The following LEMD1 variants were observed in gnomAD, a reference collection of about 807,000 sequenced individuals.
LEMD1 encodes the protein LEM domain-containing protein 1.
LEMD1 carries 18 observed loss-of-function variants against 17.4 expected under a neutral mutation model. That is an observed-to-expected ratio of 1.04 (90% CI 0.72 to 1.54). The LOEUF (loss-of-function observed/expected upper bound fraction) is 1.54. LEMD1 is among the 40% of genes most tolerant of loss of function. The pLI, the probability that LEMD1 is intolerant of heterozygous loss-of-function variation, is 0.00. For missense variants in LEMD1, 195 were observed against 210.4 expected, an observed-to-expected ratio of 0.93 and a Z score of 0.45; for synonymous variants, 88 against 77.8, an observed-to-expected ratio of 1.13 and a Z score of -0.69.
chr1:205,436,699 G>A (rs564635287), intron 1 of LEMD1: 3 of 152,280 alleles, frequency 2.0e-5, no homozygotes, highest in Admixed American at 2.0e-4. Flanking sequence ...GGTTCTTGTG[G>A]TACTGTCAGC....
upstream of LEMD1, among the ~76,000 whole-genome samples, chr1:205,425,695 T>C (rs1666045969): frequency 6.6e-6 from 1 of 151,984 alleles, no homozygotes. Context: ...GCAGTGAAGG[T>C]TCTGGCAGAA....
chr1:205,403,194 A>G (rs891115702), intron 4 of LEMD1, among the ~76,000 whole-genome samples: 8 of 152,338 alleles, frequency 5.3e-5, no homozygotes, highest in African/African-American at 1.9e-4. Flanking sequence ...CGGCTTTGGT[A>G]TCAGGATGGT....
At chr1:205,402,068 G>GT (rs1287074316) in intron 4 of LEMD1, among the ~76,000 whole-genome samples, 1 of 152,124 alleles carries the variant, frequency 6.6e-6, no homozygotes, top group Non-Finnish European at 1.5e-5. Context: ...CTATATCTCT[G>GT]TTTTGGTACC....
At chr1:205,434,684 T>C (rs1558741434) in intron 1 of LEMD1, among the ~76,000 whole-genome samples, 1 of 151,954 alleles carries the variant, frequency 6.6e-6, no homozygotes, top group South Asian at 2.1e-4. Flanking sequence ...ACCTGGGGTG[T>C]CTCCCAAAGC....
chr1:205,381,610 C>T lies in LEMD1; in HGVS notation c.*48G>A. The T allele has an allele frequency of 6.3e-7, 1 of 1,592,434 alleles. No individual in the cohort carries two copies. The highest frequency in any genetic ancestry group is 8.6e-7 in the Non-Finnish European group (1 of 1,160,510). On this transcript the variant is annotated 3_prime_UTR_variant, in exon 6 of 6. Coordinates refer to ENST00000367153, the MANE Select transcript of LEMD1 (RefSeq NM_001199050.2). Reference sequence around the variant, plus strand: ...CTTCAGGGTAGTGTTTTGGTTCTTTCCTGAAGCAGGAGGCCTCGCTTGGAG... The same window carrying T: ...CTTCAGGGTAGTGTTTTGGTTCTTTTCTGAAGCAGGAGGCCTCGCTTGGAG...
intron 1 of LEMD1, among the ~76,000 whole-genome samples, chr1:205,432,423 A>G (rs1029374795): frequency 4.6e-5 from 7 of 152,214 alleles, no homozygotes; most frequent in Non-Finnish European, 1.0e-4. Context: ...AATCTGAGGT[A>G]ATCACTGATG....
chr1:205,397,308 C>A (rs751671976), intron 4 of LEMD1, among the ~76,000 whole-genome samples: 1 of 152,198 alleles, frequency 6.6e-6, no homozygotes, highest in Non-Finnish European at 1.5e-5. Context: ...CACTAGATTT[C>A]TATTTCCAAT....
At chr1:205,442,897 T>C (rs1333739153) in intron 1 of LEMD1, among the ~76,000 whole-genome samples, 1 of 152,202 alleles carries the variant, frequency 6.6e-6, no homozygotes, top group East Asian at 1.9e-4. Flanking sequence ...TATTCCTGGC[T>C]CTGATGCTAA....
intron 4 of LEMD1, among the ~76,000 whole-genome samples, chr1:205,413,176 G>C (rs2102418849): frequency 6.6e-6 from 1 of 152,258 alleles, no homozygotes; most frequent in Middle Eastern, 3.4e-3. Context: ...TAACCTTTTT[G>C]CCATTGGAGC....
At chr1:205,396,804 T>C (rs932921957) in intron 4 of LEMD1, among the ~76,000 whole-genome samples, 10 of 152,164 alleles carry the variant, frequency 6.6e-5, no homozygotes, top group African/African-American at 2.4e-4. Context: ...AGGTTAGTGG[T>C]TGCCATGGGG....
chr1:205,443,905 G>GA (rs1666338864), intron 1 of LEMD1, among the ~76,000 whole-genome samples: 1 of 152,150 alleles, frequency 6.6e-6, no homozygotes, highest in Non-Finnish European at 1.5e-5. Flanking sequence ...GAGTCCCTCT[G>GA]CCAGGCTGTG....
At chr1:205,440,803 G>A (rs957940163) in intron 1 of LEMD1, 3 of 152,438 alleles carry the variant, frequency 2.0e-5, no homozygotes, top group Non-Finnish European at 2.9e-5. Flanking sequence ...AGGCTGAGAA[G>A]AGCACTGGCT....
chr1:205,423,096 T>A (rs1312062478), upstream of LEMD1, among the ~76,000 whole-genome samples: 1 of 152,214 alleles, frequency 6.6e-6, no homozygotes, highest in Non-Finnish European at 1.5e-5. Context: ...GGAGGCTTCA[T>A]CTCATTTACA....
rs537554595 is a variant in LEMD1 at position 205,429,789 on chromosome 1, G to A, written c.-38-9215C>T. Among the ~76,000 whole-genome samples the A allele has an allele frequency of 2.3e-3, 353 of 152,030 alleles. 1 individual carries two copies. The highest frequency in any genetic ancestry group is 4.3e-3 in the Non-Finnish European group (293 of 67,994). ...TCGGCTATTTTGATGTTGGGGGGTGGGGGGAGCAGGGACAGGCATTTGGGG... is the reference window on the plus strand; with the variant it reads ...TCGGCTATTTTGATGTTGGGGGGTGAGGGGAGCAGGGACAGGCATTTGGGG... On this transcript the variant is annotated intron_variant, in intron 1 of 3. Transcript: ENST00000367154.
intron 1 of LEMD1, among the ~76,000 whole-genome samples, chr1:205,443,651 T>A (rs1188662779): frequency 6.6e-6 from 1 of 152,164 alleles, no homozygotes; most frequent in Non-Finnish European, 1.5e-5. Flanking sequence ...TCTGCTCAGA[T>A]CTTTGCTCTA....
At position 205,441,176 on chromosome 1, in the gene LEMD1, C is replaced by T. The variant is rs1410880671; in HGVS notation, c.-39+8692G>A. On this transcript the variant is annotated intron_variant, in intron 1 of 3. Transcript: ENST00000367154. This position sits in a 1 kb window ranked among gnomAD's most constrained non-coding sequence, Gnocchi z 4.3. The stretch of plus-strand genomic sequence containing the variant: ...GGTCTGGCCCAGTCATTGCCACTCC[C>T]TGAGGCGGCCCGCTAGGTCTCTCAC... 6.6e-6 allele frequency: 1 copy of T among 152,278 alleles called. No homozygotes were observed. Among genetic ancestry groups the T allele is most frequent in the Admixed American group, 6.5e-5 (1 of 15,278 alleles). The allele number at this position is 152,278 out of a possible 1,614,324, so 9.4% of individuals were successfully genotyped here.
At chr1:205,413,188 G>A (rs142093086) in intron 4 of LEMD1, among the ~76,000 whole-genome samples, 93 of 152,324 alleles carry the variant, frequency 6.1e-4, no homozygotes, top group African/African-American at 2.1e-3. Flanking sequence ...CATTGGAGCT[G>A]TTTGGTAGAT....
Position 205,441,939 on chromosome 1 carries a change from G to A in LEMD1, c.-39+7929C>T, listed in dbSNP as rs2102466110. Reference sequence around the variant, plus strand: ...TATCTGTTGCAGTCTGGCTGGGGAAGAGAGGGAGCTTCAGGAGCTCAGCTT... The same window carrying A: ...TATCTGTTGCAGTCTGGCTGGGGAAAAGAGGGAGCTTCAGGAGCTCAGCTT... On this transcript the variant is annotated intron_variant, in intron 1 of 3. Transcript: ENST00000367154. The surrounding 1 kb of genome is among the most constrained non-coding windows in gnomAD (Gnocchi z 4.3). Among the ~76,000 whole-genome samples the A allele has an allele frequency of 6.6e-6, 1 of 152,332 alleles. No individual in the cohort carries two copies. Among genetic ancestry groups the A allele is most frequent in the South Asian group, 2.1e-4 (1 of 4,820 alleles).
chr1:205,393,425 C>G (rs919594350), intron 4 of LEMD1, among the ~76,000 whole-genome samples: 7 of 151,674 alleles, frequency 4.6e-5, no homozygotes, highest in Non-Finnish European at 1.0e-4. Flanking sequence ...CCTGTAATCC[C>G]AGCACTTTGG....
Sources: gnomAD v4.1 joint callset for allele counts (sites outside exome capture counted in the v4.1 genomes callset) on GRCh38, gnomAD v4.1.1 for gene constraint, Gnocchi (gnomAD v3.1) non-coding constraint, MANE v1.5 for transcripts, NCBI Gene and HGNC (gene_info 2026-07-23, HGNC 2026-07-21) for gene names.